SAXO1: variants seen among roughly 807,000 people sequenced by gnomAD.
SAXO1 encodes 4930500O09Rik.
SAXO1 carries 21 observed loss-of-function variants against 17.5 expected under a neutral mutation model. The ratio of observed to expected loss-of-function variants is 1.20; its 90% CI spans 0.85 to 1.72. The LOEUF (loss-of-function observed/expected upper bound fraction) is 1.72, where lower values mean the gene tolerates loss of function less well. SAXO1 is among the 40% of genes most tolerant of loss of function. SAXO1 has a pLI of 0.00. For synonymous variants in SAXO1, 274 were observed against 216.5 expected, an observed-to-expected ratio of 1.27 and a Z score of -2.33; for missense variants, 843 against 596.0, an observed-to-expected ratio of 1.41 and a Z score of -4.32.
intron 1 of SAXO1, among the ~76,000 whole-genome samples, chr9:18,959,395 A>C (rs1185622796): frequency 6.6e-6 from 1 of 152,148 alleles, no homozygotes; most frequent in Non-Finnish European, 1.5e-5. Context: ...AGACAACTTG[A>C]GAGGGGAGAG....
upstream of SAXO1, among the ~76,000 whole-genome samples, chr9:19,036,069 C>G (rs1167847618): frequency 7.1e-6 from 1 of 141,558 alleles, no homozygotes; most frequent in Non-Finnish European, 1.5e-5. Context: ...AACACATGGA[C>G]ACAGGGAGGG....
chr9:18,989,869 A>G (rs1833744755), intron 1 of SAXO1, among the ~76,000 whole-genome samples: 1 of 152,224 alleles, frequency 6.6e-6, no homozygotes, highest in Non-Finnish European at 1.5e-5. Context: ...CCAACATTTC[A>G]GCCATTGCTC....
intron 2 of SAXO1, among the ~76,000 whole-genome samples, chr9:18,947,324 C>T (rs76346385): frequency 0.01 from 1,543 of 152,260 alleles, 18 homozygotes; most frequent in African/African-American, 0.035. Flanking sequence ...ATACTAAATG[C>T]CCTTTCTCTC....
At chr9:19,018,514 G>C (rs1337770654) in intron 1 of SAXO1, among the ~76,000 whole-genome samples, 1 of 152,178 alleles carries the variant, frequency 6.6e-6, no homozygotes, top group Non-Finnish European at 1.5e-5. Context: ...TGTTTCAAAA[G>C]TCAATACACG....
intron 1 of SAXO1, among the ~76,000 whole-genome samples, chr9:18,973,135 A>G (rs1358720675): frequency 6.6e-6 from 1 of 152,240 alleles, no homozygotes; most frequent in Non-Finnish European, 1.5e-5. Context: ...ACCACCCAAC[A>G]GAATCTGTTC....
At chr9:18,938,808 G>T (rs964850876) in intron 3 of SAXO1, among the ~76,000 whole-genome samples, 4 of 146,862 alleles carry the variant, frequency 2.7e-5, no homozygotes, top group Non-Finnish European at 1.5e-5. Flanking sequence ...GTGGTGGGGT[G>T]CATGCGTGCG....
At chr9:18,980,781 G>A (rs996298678) in intron 1 of SAXO1, among the ~76,000 whole-genome samples, 589 of 83,772 alleles carry the variant, frequency 7.0e-3, no homozygotes, top group Middle Eastern at 9.6e-3. Context: ...TTAAAAAACT[G>A]AAAAAAAAAA....
At chr9:19,026,228 A>G (rs996949408) in intron 1 of SAXO1, among the ~76,000 whole-genome samples, 4 of 152,198 alleles carry the variant, frequency 2.6e-5, no homozygotes, top group African/African-American at 9.7e-5. Context: ...AGAAATATGT[A>G]CAATCATTAT....
intron 2 of SAXO1, among the ~76,000 whole-genome samples, chr9:18,946,647 GA>G (rs142626246): frequency 0.15 from 21,496 of 145,572 alleles, 3,103 homozygotes; most frequent in African/African-American, 0.38. Context: ...GCTCAAAAAA[GA>G]AAAAAAAAAG....
chr9:19,012,522 T>C (rs1445837632), intron 1 of SAXO1, among the ~76,000 whole-genome samples: 1 of 152,182 alleles, frequency 6.6e-6, no homozygotes, highest in Non-Finnish European at 1.5e-5. Context: ...ACGAACCATA[T>C]GGGGGACGGT....
chr9:18,939,820 G>C (rs1310927560), intron 3 of SAXO1, among the ~76,000 whole-genome samples: 2 of 152,190 alleles, frequency 1.3e-5, no homozygotes, highest in African/African-American at 2.4e-5. Flanking sequence ...GATATGATTA[G>C]ACAAAATAAT....
upstream of SAXO1, among the ~76,000 whole-genome samples, chr9:19,037,251 A>C (rs1835964755): frequency 1.3e-5 from 2 of 152,210 alleles, no homozygotes; most frequent in Admixed American, 1.3e-4. Flanking sequence ...TGGACTGTGG[A>C]CTTTCGGGTT....
intron 2 of SAXO1, among the ~76,000 whole-genome samples, chr9:18,948,857 A>G (rs1029194992): frequency 2.0e-5 from 3 of 152,160 alleles, no homozygotes; most frequent in Middle Eastern, 3.2e-3. Flanking sequence ...AGTCTTCTTC[A>G]TTTCCTGCAA....
chr9:19,036,846 T>G (rs985216081), upstream of SAXO1, among the ~76,000 whole-genome samples: 2 of 152,098 alleles, frequency 1.3e-5, no homozygotes, highest in African/African-American at 4.8e-5. Context: ...GACCCCAAAA[T>G]GGGAGATCCA....
chr9:18,927,873 T>C lies in SAXO1; in HGVS notation c.*179A>G, dbSNP rs374364821. 31 of 631,936 alleles carry C rather than the reference T, an allele frequency of 4.9e-5. No individual in the cohort carries two copies. Among genetic ancestry groups the C allele is most frequent in the South Asian group, 3.0e-4 (10 of 33,566 alleles). 39.1% of individuals were successfully genotyped at this position (631,936 alleles called of 1,614,324 possible). A position where few individuals can be genotyped will look rare whatever the true frequency, so the allele number is the denominator to read the frequency against. Reference sequence around the variant, plus strand: ...TAAGGGGAGTTAATTAGCCGGTGATTAAATGTCATTTTCCCTGAGTCAAGT... The same window carrying C: ...TAAGGGGAGTTAATTAGCCGGTGATCAAATGTCATTTTCCCTGAGTCAAGT... On this transcript the variant is annotated 3_prime_UTR_variant, in exon 4 of 4. Coordinates refer to ENST00000380534, the MANE Select transcript of SAXO1 (RefSeq NM_153707.4).
chr9:19,039,616 G>A (rs1383594284), intron 1 of SAXO1, among the ~76,000 whole-genome samples: 3 of 152,226 alleles, frequency 2.0e-5, no homozygotes, highest in Admixed American at 6.5e-5. Flanking sequence ...AAAGGAGTAT[G>A]CTGAATATGC....
At chr9:18,957,182 C>T (rs911692030) in intron 1 of SAXO1, among the ~76,000 whole-genome samples, 2 of 152,196 alleles carry the variant, frequency 1.3e-5, no homozygotes, top group African/African-American at 4.8e-5. Context: ...TAAAAATATC[C>T]CAATACAGAC....
At chr9:18,985,751 G>A (rs1238869279) in intron 1 of SAXO1, among the ~76,000 whole-genome samples, 1 of 152,176 alleles carries the variant, frequency 6.6e-6, no homozygotes, top group Non-Finnish European at 1.5e-5. Context: ...AGAACAAGGT[G>A]CAACATGGTT....
chr9:19,025,414 A>G (rs10117445), intron 1 of SAXO1, among the ~76,000 whole-genome samples: 9,613 of 152,244 alleles, frequency 0.063, 444 homozygotes, highest in African/African-American at 0.13. Flanking sequence ...AGAAAATAAA[A>G]TCTAAGGTTA....
Sources: allele counts gnomAD v4.1 joint callset (sites outside exome capture counted in the v4.1 genomes callset), GRCh38; gene constraint gnomAD v4.1.1; transcripts MANE v1.5; gene names NCBI Gene and HGNC (gene_info 2026-07-23, HGNC 2026-07-21).